Variants in DNAI3 observed in about 807,000 individuals in gnomAD.
The protein encoded by DNAI3 is dynein axonemal intermediate chain 3, also known as WD repeat domain 63.
Under a neutral mutation model 115.5 loss-of-function variants are expected in DNAI3, and 83 were observed. The observed-to-expected ratio is 0.72, with a 90% CI of 0.60 to 0.86. The LOEUF (loss-of-function observed/expected upper bound fraction) is 0.86. Ranked by LOEUF, DNAI3 falls within the 40% of genes least tolerant of loss-of-function variation. The pLI, the probability that DNAI3 is intolerant of heterozygous loss-of-function variation, is 0.00. For missense variants in DNAI3, 1,004 were observed against 1,075.8 expected (o/e 0.93, Z 0.93); for synonymous variants, 320 against 347.0 (o/e 0.92, Z 0.86).
intron 19 of DNAI3, among the ~76,000 whole-genome samples, 174 bp downstream of exon 19, chr1:85,124,425 ACATT>A (rs201234709): frequency 6.6e-6 from 1 of 151,180 alleles, no homozygotes; most frequent in African/African-American, 2.5e-5. Flanking sequence ...TTTTGAAAAC[ACATT>A]CATTTGTTTT....
chr1:85,072,167 T>C (rs1654295213), intron 2 of DNAI3, among the ~76,000 whole-genome samples, 162 bp downstream of exon 2: 1 of 152,240 alleles, frequency 6.6e-6, no homozygotes, highest in African/African-American at 2.4e-5. Flanking sequence ...TTCTTACTTT[T>C]GACTAATTTC....
At chr1:85,067,488 G>C (rs1166003022) in intron 1 of DNAI3, among the ~76,000 whole-genome samples, 2 of 152,132 alleles carry the variant, frequency 1.3e-5, no homozygotes, top group Non-Finnish European at 2.9e-5. Context: ...CAGGACACTT[G>C]TTTACTTTGA....
At position 85,124,128 on chromosome 1, in the gene DNAI3, G is replaced by A. The variant is rs969486530; in HGVS notation, c.1989G>A (p.Lys663=). The change falls in exon 19 of 23, where the codon AAG becomes AAA. Residue 663 remains lysine (K), a synonymous_variant. Transcript: ENST00000294664. ...CTTCTTTCACTCCAATAGCAAAGAA[G>A]CCAGTGAGCCACCACACCATTCACG... ...DPETGRLMSK[K]PVSHHTIHDG... 3.1e-6 allele frequency: 5 copies of A among 1,613,992 alleles called. No individual in the cohort carries two copies. The highest frequency in any genetic ancestry group is 4.2e-6 in the Non-Finnish European group (5 of 1,180,010).
rs746389636 is a variant in DNAI3 at position 85,093,546 on chromosome 1, G to A, written c.946G>A (p.Asp316Asn). 9 of 1,614,164 alleles carry A rather than the reference G, an allele frequency of 5.6e-6. No homozygotes were observed. Among genetic ancestry groups the A allele is most frequent in the Non-Finnish European group, 6.8e-6 (8 of 1,180,022 alleles). The stretch of plus-strand genomic sequence containing the variant: ...CGCAGAAGAAGAAGGCACCTTTGGG[G>A]ACAAGACCGATACCCACCTGAAAGA... ...YLAEEEGTFG[D>N]KTDTHLKEYQ... is the part of the protein sequence containing the mutation. Residue 316 changes from aspartate (D) to asparagine (N), a missense_variant, in exon 9 of 23, where the codon GAC becomes AAC. Asp to Asn is a conservative substitution (Grantham distance 23). Transcript: ENST00000294664.
intron 13 of DNAI3, among the ~76,000 whole-genome samples, chr1:85,101,741 A>AT (rs1282769827): frequency 6.7e-6 from 1 of 149,522 alleles, no homozygotes; most frequent in East Asian, 1.9e-4. Flanking sequence ...AAAAAAAAAA[A>AT]AAAAAAAAAA....
intron 16 of DNAI3, among the ~76,000 whole-genome samples, chr1:85,110,771 C>A (rs1655635581): frequency 6.6e-6 from 1 of 151,970 alleles, no homozygotes; most frequent in South Asian, 2.1e-4. Context: ...AAGAATAATG[C>A]TATAGGATGG....
rs867871531 is a variant in DNAI3 at position 85,072,940 on chromosome 1, G to C, written c.65-114G>C. On this transcript the variant is annotated intron_variant, in intron 2 of 22. Coordinates refer to ENST00000294664, the MANE Select transcript of DNAI3 (RefSeq NM_145172.5). ...ACTGCCCTCCAGCCTGGGCGACAGA[G>C]CAAGACTCCGTCTCAAAAAAAAAAA... is the stretch of plus-strand genomic sequence containing the variant. 1.0e-4 allele frequency: 53 copies of C among 505,716 alleles called. No homozygotes were observed. The African/African-American group carries it at 1.4e-3, about 13-fold the overall frequency. 31.3% of individuals were successfully genotyped at this position (505,716 alleles called of 1,614,324 possible). A position where few individuals can be genotyped will look rare whatever the true frequency, so the allele number is the denominator to read the frequency against.
At chr1:85,086,233 G>C (rs7554988) in intron 7 of DNAI3, among the ~76,000 whole-genome samples, 90,533 of 151,906 alleles carry the variant, frequency 0.6, 26,985 homozygotes, top group Non-Finnish European at 0.6. Context: ...AAATGAGATA[G>C]AAGTATGGAA....
chr1:85,076,181 C>T (rs1379692371), intron 3 of DNAI3, among the ~76,000 whole-genome samples: 1 of 152,126 alleles, frequency 6.6e-6, no homozygotes, highest in Non-Finnish European at 1.5e-5. Flanking sequence ...ACCTCTGTTT[C>T]CCTTGTCACA....
At chr1:85,084,012 C>T (rs2100569601) in intron 5 of DNAI3, among the ~76,000 whole-genome samples, 1 of 151,478 alleles carries the variant, frequency 6.6e-6, no homozygotes, top group Non-Finnish European at 1.5e-5. Context: ...CATTTAGATA[C>T]CATATATATG....
chr1:85,132,900 A>C lies in DNAI3; in HGVS notation c.2578A>C (p.Met860Leu). ...AGAACAAATGCAGGCTGAATTAAAA[A>C]TGGACTATGAGAGTTATCTGGAACT... ...SKEQMQAELKMDYESYLELEK... is the reference protein window; with the variant it reads ...SKEQMQAELKLDYESYLELEK... Residue 860 changes from methionine (M) to leucine (L), a missense_variant, in exon 23 of 23, where the codon ATG becomes CTG. Met to Leu is a conservative substitution (Grantham distance 15, BLOSUM62 2). This residue lies in a region of DNAI3 where 429 missense variants were observed against 454.3 expected (regional missense o/e 0.94). Coordinates refer to ENST00000294664, the MANE Select transcript of DNAI3 (RefSeq NM_145172.5). The C allele has an allele frequency of 6.2e-7, 1 of 1,614,012 alleles. No individual in the cohort carries two copies. Among genetic ancestry groups the C allele is most frequent in the Non-Finnish European group, 8.5e-7 (1 of 1,179,926 alleles).
At chr1:85,123,669 T>C (rs183898285) in intron 18 of DNAI3, among the ~76,000 whole-genome samples, 1 of 152,234 alleles carries the variant, frequency 6.6e-6, no homozygotes, top group Non-Finnish European at 1.5e-5. Context: ...ATTTTTTCCT[T>C]CACAACACTT....
At chr1:85,093,788 C>G in intron 9 of DNAI3, 140 bp downstream of exon 9, 1 of 944,350 alleles carries the variant, frequency 1.1e-6, no homozygotes, top group Non-Finnish European at 1.7e-6. Context: ...CTGCCATGTG[C>G]TTTCCACGCC....
Position 85,081,468 on chromosome 1 carries a change from A to G in DNAI3, c.285+53A>G, listed in dbSNP as rs1021990075. 20 of 1,458,126 alleles carry G rather than the reference A, an allele frequency of 1.4e-5. No individual in the cohort carries two copies. The African/African-American group carries it at 2.5e-4, about 18-fold the overall frequency. 90.3% of individuals were successfully genotyped at this position (1,458,126 alleles called of 1,614,324 possible). A position where few individuals can be genotyped will look rare whatever the true frequency, so the allele number is the denominator to read the frequency against. ...AGTCCTACCTCAAGAAGTTCCTGGT[A>G]CATAATAACAAAAGTTGGAGAGGTT... On this transcript the variant is annotated intron_variant, in intron 4 of 22. Transcript: ENST00000294664.
Position 85,095,970 on chromosome 1 carries a change from T to C in DNAI3, c.1213T>C (p.Phe405Leu). The change falls in exon 11 of 23, where the codon TTC becomes CTC. Residue 405 changes from phenylalanine to leucine, a missense_variant. This residue lies in a region of DNAI3 where 550 missense variants were observed against 568.1 expected (regional missense o/e 0.97). Transcript: ENST00000294664. Reference protein sequence around the residue: ...ESPDDIFCFKFCPSDPNIIAG... With the variant: ...ESPDDIFCFKLCPSDPNIIAG... Reference sequence around the variant, plus strand: ...CCCAGATGACATCTTCTGCTTCAAGTTCTGTCCGAGTGATCCTAATATCAT... The same window carrying C: ...CCCAGATGACATCTTCTGCTTCAAGCTCTGTCCGAGTGATCCTAATATCAT... 1 of 1,614,004 alleles carries C rather than the reference T, an allele frequency of 6.2e-7. No individual in the cohort carries two copies. The highest frequency in any genetic ancestry group is 1.1e-5 in the South Asian group (1 of 91,086).
At chr1:85,129,288 TA>T (rs1324867145) in intron 21 of DNAI3, among the ~76,000 whole-genome samples, 1 of 152,156 alleles carries the variant, frequency 6.6e-6, no homozygotes, top group Non-Finnish European at 1.5e-5. Flanking sequence ...AATGAGGCTT[TA>T]AAAAGATCAA....
intron 10 of DNAI3, 39 bp from the exon 11 acceptor site, chr1:85,095,892 T>C (rs781532264): frequency 1.9e-6 from 3 of 1,567,464 alleles, no homozygotes; most frequent in Non-Finnish European, 2.6e-6. Context: ...TCTTAATCTC[T>C]TTTCTCATTC....
At chr1:85,129,237 C>G (rs57222060) in intron 21 of DNAI3, among the ~76,000 whole-genome samples, 7,935 of 152,132 alleles carry the variant, frequency 0.052, 272 homozygotes, top group East Asian at 0.15. Context: ...CTGCACCCCC[C>G]ACACTGTACC....
chr1:85,130,936 T>C lies in DNAI3; in HGVS notation c.2532+824T>C, dbSNP rs543901253. Among the ~76,000 whole-genome samples the C allele has an allele frequency of 2.2e-4, 33 of 152,310 alleles. No individual in the cohort carries two copies. The South Asian group carries it at 6.2e-3, about 29-fold the overall frequency. On this transcript the variant is annotated intron_variant, in intron 22 of 22. Transcript: ENST00000294664. ...ACTCTGCTGGTCTTCCCTTGCCCACTGGAATTTTGGGCTTCTAAATACTTT... is the reference window on the plus strand; with the variant it reads ...ACTCTGCTGGTCTTCCCTTGCCCACCGGAATTTTGGGCTTCTAAATACTTT...
Sources: allele counts gnomAD v4.1 joint callset (sites outside exome capture counted in the v4.1 genomes callset), GRCh38; gene constraint gnomAD v4.1.1; regional missense constraint gnomAD v4.1.1; transcripts MANE v1.5; gene names NCBI Gene and HGNC (gene_info 2026-07-23, HGNC 2026-07-21).